Variants in PKHD1L1 observed in about 807,000 individuals in gnomAD.
The protein encoded by PKHD1L1 is PKHD1 like 1.
PKHD1L1 carries 434 observed loss-of-function variants against 462.9 expected under a neutral mutation model. The observed-to-expected ratio is 0.94, with a 90% CI of 0.87 to 1.02. The LOEUF (loss-of-function observed/expected upper bound fraction) is 1.02. PKHD1L1 is among the 50% of genes least tolerant of loss of function. The probability of loss-of-function intolerance (pLI) is 0.00; values close to 1 mark genes in which losing one functional copy is unlikely to be tolerated. For synonymous variants in PKHD1L1, 1,781 were observed against 1,750.0 expected, an observed-to-expected ratio of 1.02 and a Z score of -0.44; for missense variants, 5,202 against 5,096.1, an observed-to-expected ratio of 1.02 and a Z score of -0.63.
At chr8:109,389,980 T>A (rs1442924885) in intron 8 of PKHD1L1, among the ~76,000 whole-genome samples, 2 of 152,128 alleles carry the variant, frequency 1.3e-5, no homozygotes, top group Non-Finnish European at 2.9e-5. Context: ...CTTTTTTTTT[T>A]TAAATAGCAT....
chr8:109,511,874 A>G (rs942532763), intron 71 of PKHD1L1, among the ~76,000 whole-genome samples: 6 of 152,090 alleles, frequency 3.9e-5, no homozygotes, highest in African/African-American at 1.4e-4. Context: ...CTGACTTTTT[A>G]ATGATTGCCA....
At chr8:109,514,887 T>C (rs544576027) in intron 71 of PKHD1L1, among the ~76,000 whole-genome samples, 1 of 152,146 alleles carries the variant, frequency 6.6e-6, no homozygotes, top group African/African-American at 2.4e-5. Context: ...TGTTCTTTGT[T>C]GTCTTTTAAA....
chr8:109,534,480 A>G lies in PKHD1L1; in HGVS notation c.*4390A>G, dbSNP rs1821107394. Among the ~76,000 whole-genome samples, 1 of 151,820 alleles carries G rather than the reference A, an allele frequency of 6.6e-6. No homozygotes were observed. The highest frequency in any genetic ancestry group is 2.4e-5 in the African/African-American group (1 of 41,344). ...ACATCTCAAAAAAAAAAACCCAAAA[A>G]ACTTTAATCTGAATCCATTATGTGT... On this transcript the variant is annotated 3_prime_UTR_variant, in exon 78 of 78. Transcript: ENST00000378402.
At chr8:109,467,875 T>G (rs570146247) in intron 50 of PKHD1L1, among the ~76,000 whole-genome samples, 2 of 152,288 alleles carry the variant, frequency 1.3e-5, no homozygotes, top group South Asian at 4.1e-4. Flanking sequence ...ACTGTCATCA[T>G]CAAGGTCTAA....
rs563512658 is a variant in PKHD1L1 at position 109,408,707 on chromosome 8, T to C, written c.1971+501T>C. On this transcript the variant is annotated intron_variant, in intron 18 of 77. Transcript: ENST00000378402. The stretch of plus-strand genomic sequence containing the variant: ...ACCCAAATCCTAACTCAGCAAATTT[T>C]AAGACTTTACCCAACAAAAAGGGTC... Among the ~76,000 whole-genome samples the C allele has an allele frequency of 2.0e-5, 3 of 152,330 alleles. No homozygotes were observed. In the East Asian group the frequency reaches 5.8e-4, roughly 29 times the overall value.
rs112952327 is a variant in PKHD1L1, at chr8:109,492,283, C to T, written c.10236+289C>T. On this transcript the variant is annotated intron_variant, in intron 62 of 77. Transcript: ENST00000378402. ...CTTAATTCTGGATTTAGTTTCCTCC[C>T]TAAAAATGAAAATAGACAATGGAAT... 8.4e-3 allele frequency among the ~76,000 whole-genome samples: 1,272 copies of T among 151,716 alleles called. 10 individuals are homozygous for T. The highest frequency in any genetic ancestry group is 0.014 in the Non-Finnish European group (936 of 67,768).
chr8:109,380,645 A>AT (rs1812063615), intron 2 of PKHD1L1, among the ~76,000 whole-genome samples: 2 of 152,122 alleles, frequency 1.3e-5, no homozygotes, highest in Non-Finnish European at 2.9e-5. Context: ...CTTGCCATTG[A>AT]TTTTTTGATT....
At chr8:109,484,816 G>T (rs945958540) in intron 57 of PKHD1L1, among the ~76,000 whole-genome samples, 4 of 151,760 alleles carry the variant, frequency 2.6e-5, no homozygotes, top group Non-Finnish European at 4.4e-5. Flanking sequence ...TTACTAAATG[G>T]CTGAATTAAA....
rs1019387888 is a variant in PKHD1L1 at position 109,535,248 on chromosome 8, T to C, written c.*5158T>C. The stretch of plus-strand genomic sequence containing the variant: ...TGTGCAAGATATTTATGACTGTGCC[T>C]GGCTACATGGCAATAGTATTTTCCT... On this transcript the variant is annotated 3_prime_UTR_variant, in exon 78 of 78. Transcript: ENST00000378402. Among the ~76,000 whole-genome samples, 1 of 152,202 alleles carries C rather than the reference T, an allele frequency of 6.6e-6. No homozygotes were observed. Among genetic ancestry groups the C allele is most frequent in the African/African-American group, 2.4e-5 (1 of 41,452 alleles).
rs199656952 is a variant in PKHD1L1 at position 109,398,500 on chromosome 8, T to C, written c.964T>C (p.Cys322Arg). ...TTTGAATGTCACAGAAAATAGTATA[T>C]GTTGCAAGACACCCCCCAAACCTCA... ...DILNVTENSI[C>R]CKTPPKPHIL... Residue 322 changes from cysteine (C) to arginine (R), a missense_variant, in exon 12 of 78, where the codon TGT becomes CGT. Around this residue, in one of 3 missense-constraint regions of PKHD1L1, gnomAD observed 4,497 missense variants for 4,336.8 expected, o/e 1.04. Coordinates refer to ENST00000378402, the MANE Select transcript of PKHD1L1 (RefSeq NM_177531.6). 7.6e-5 allele frequency: 119 copies of C among 1,573,390 alleles called. No individual in the cohort carries two copies. Among genetic ancestry groups the C allele is most frequent in the Non-Finnish European group, 9.3e-5 (108 of 1,155,946 alleles).
intron 59 of PKHD1L1, among the ~76,000 whole-genome samples, chr8:109,487,364 C>A (rs900350970): frequency 5.3e-5 from 8 of 151,938 alleles, no homozygotes; most frequent in Non-Finnish European, 1.2e-4. Flanking sequence ...AAATATCAGA[C>A]CTAAAAATGT....
intron 35 of PKHD1L1, 95 bp from the exon 36 acceptor site, chr8:109,442,850 TG>T (rs1160546901): frequency 1.7e-6 from 2 of 1,151,540 alleles, no homozygotes; most frequent in East Asian, 4.7e-5. Context: ...GTCATCTGTA[TG>T]TGCATTTAAA....
Position 109,498,694 on chromosome 8 carries a change from C to T in PKHD1L1, c.10751C>T (p.Ala3584Val). The T allele has an allele frequency of 6.2e-7, 1 of 1,613,962 alleles. No individual in the cohort carries two copies. The highest frequency in any genetic ancestry group is 8.5e-7 in the Non-Finnish European group (1 of 1,179,882). Residue 3584 changes from alanine (A) to valine (V), a missense_variant, in exon 67 of 78, where the codon GCT becomes GTT. Ala to Val is a moderately conservative substitution (Grantham distance 64). Coordinates refer to ENST00000378402, the MANE Select transcript of PKHD1L1 (RefSeq NM_177531.6). ...ATTTGTTGGCCTACCTTTGCTTCAG[C>T]TCATAACATGGCACCCCGAAAGCCC... is the stretch of plus-strand genomic sequence containing the variant. ...SGICWPTFAS[A>V]HNMAPRKPHA...
chr8:109,505,704 G>A (rs1370467882), intron 68 of PKHD1L1, among the ~76,000 whole-genome samples: 1 of 151,364 alleles, frequency 6.6e-6, no homozygotes, highest in Non-Finnish European at 1.5e-5. Flanking sequence ...TTTGAGGCCA[G>A]CCTGGGCAAC....
rs1253811118 is a variant in PKHD1L1, at chr8:109,442,036, C to T, written c.4234C>T (p.Pro1412Ser). The T allele has an allele frequency of 1.2e-6, 2 of 1,611,488 alleles. No homozygotes were observed. The highest frequency in any genetic ancestry group is 1.7e-5 in the Admixed American group (1 of 59,674). The change falls in exon 35 of 78, where the codon CCA (proline) becomes TCA (serine). Residue 1412 changes from proline to serine, a missense_variant. This residue lies in a region of PKHD1L1 where 4,497 missense variants were observed against 4,336.8 expected (regional missense o/e 1.04). Transcript: ENST00000378402. Reference protein sequence around the residue: ...VHGLGYAWSPPVLNVSVGDTV... With the variant: ...VHGLGYAWSPSVLNVSVGDTV... ...TGGATTAGGTTATGCCTGGTCACCA[C>T]CAGTCCTAAATGTGTCTGTGGGGGA...
chr8:109,422,039 GAACTTT>G (rs1360442911), intron 23 of PKHD1L1, among the ~76,000 whole-genome samples: 2 of 152,138 alleles, frequency 1.3e-5, no homozygotes, highest in Non-Finnish European at 2.9e-5. Context: ...ATTGTTTTAA[GAACTTT>G]AACTTTGACA....
chr8:109,473,499 G>A (rs1817829374), intron 50 of PKHD1L1, among the ~76,000 whole-genome samples: 1 of 150,730 alleles, frequency 6.6e-6, no homozygotes, highest in Non-Finnish European at 1.5e-5. Flanking sequence ...CTGGGTGACA[G>A]TTAGAGACTC....
At chr8:109,422,287 C>T (rs1292853393) in intron 23 of PKHD1L1, among the ~76,000 whole-genome samples, 1 of 151,666 alleles carries the variant, frequency 6.6e-6, no homozygotes, top group African/African-American at 2.4e-5. Flanking sequence ...ATTCATCTGA[C>T]CACCACCAGA....
At chr8:109,496,697 T>C (rs1274509339) in intron 63 of PKHD1L1, among the ~76,000 whole-genome samples, 5 of 152,048 alleles carry the variant, frequency 3.3e-5, no homozygotes, top group Non-Finnish European at 7.4e-5. Context: ...CGAGTTTGAG[T>C]AACATAGTGA....
Sources: allele counts gnomAD v4.1 joint callset (sites outside exome capture counted in the v4.1 genomes callset), GRCh38; gene constraint gnomAD v4.1.1; regional missense constraint gnomAD v4.1.1; transcripts MANE v1.5; gene names NCBI Gene and HGNC (gene_info 2026-07-23, HGNC 2026-07-21).